Variants in LTBP3 observed in about 807,000 individuals in gnomAD.
The protein encoded by LTBP3 is latent-transforming growth factor beta-binding protein 3.
Under a neutral mutation model 159.7 loss-of-function variants are expected in LTBP3, and 97 were observed. That is an observed-to-expected ratio of 0.61 (90% CI 0.52 to 0.72). LTBP3 has a LOEUF of 0.72. LTBP3 is among the 30% of genes least tolerant of loss of function. LTBP3 has a pLI of 0.00. For synonymous variants in LTBP3, 824 were observed against 777.1 expected, an observed-to-expected ratio of 1.06 and a Z score of -1.00; for missense variants, 1,584 against 1,864.3, an observed-to-expected ratio of 0.85 and a Z score of 2.77.
Position 65,546,473 on chromosome 11 carries a change from G to T in LTBP3, c.2322C>A (p.Tyr774Ter). ...AACTGCGGCCGTCGGGCGCGGGCGC[G>T]TAGCCCTGGGCACAGGTGCAGCGGA... ...GSFRCTCAQG[Y>*]APAPDGRSCL... is the part of the protein sequence containing the mutation. The change falls in exon 16 of 28, where the codon TAC becomes TAA. Residue 774 changes from tyrosine to a stop codon, truncating the protein, a stop_gained. Coordinates refer to ENST00000301873, the MANE Select transcript of LTBP3 (RefSeq NM_001130144.3). LOFTEE classifies it high-confidence loss of function. This position sits in a 1 kb window ranked among gnomAD's most constrained non-coding sequence, Gnocchi z 4.0. 1 of 1,586,668 alleles carries T rather than the reference G, an allele frequency of 6.3e-7. No homozygotes were observed.
At chr11:65,555,460 G>C (rs1411164290) in intron 1 of LTBP3, among the ~76,000 whole-genome samples, 1 of 152,068 alleles carries the variant, frequency 6.6e-6, no homozygotes, top group Non-Finnish European at 1.5e-5. Context: ...CTAGCTCAGT[G>C]TCTCCACCAG....
At position 65,545,738 on chromosome 11, in the gene LTBP3, C is replaced by T. The variant is rs1391263907; in HGVS notation, c.2353+704G>A. On this transcript the variant is annotated intron_variant, in intron 16 of 27. Transcript: ENST00000301873. Reference sequence around the variant, plus strand: ...CTAAAACAAATGGCAAATCTTGTCACTCTTACACTTAAAATGCTGCAGGTG... The same window carrying T: ...CTAAAACAAATGGCAAATCTTGTCATTCTTACACTTAAAATGCTGCAGGTG... 3 of 213,752 alleles carry T rather than the reference C, an allele frequency of 1.4e-5. No individual in the cohort carries two copies. The East Asian group carries it at 2.1e-4, about 15-fold the overall frequency. 13.2% of individuals were successfully genotyped at this position (213,752 alleles called of 1,614,324 possible). A position where few individuals can be genotyped will look rare whatever the true frequency, so the allele number is the denominator to read the frequency against.
rs1303084094 is a variant in LTBP3, at chr11:65,539,158, G to A, written c.3834C>T (p.Gly1278=). ...CGGCTTTGCAGACGCAGCGGAAGGA[G>A]CCGCTGGTGTTCACGCAGCGCTCGC... ...CKSERCVNTS[G]SFRCVCKAGF... Residue 1278 remains glycine, a synonymous_variant, in exon 28 of 28, where the codon GGC becomes GGT. Coordinates refer to ENST00000301873, the MANE Select transcript of LTBP3 (RefSeq NM_001130144.3). 8 of 1,502,212 alleles carry A rather than the reference G, an allele frequency of 5.3e-6. No homozygotes were observed. The highest frequency in any genetic ancestry group is 3.7e-4 in the Middle Eastern group (2 of 5,348). 93.1% of individuals were successfully genotyped at this position (1,502,212 alleles called of 1,614,324 possible). A position where few individuals can be genotyped will look rare whatever the true frequency, so the allele number is the denominator to read the frequency against.
In LTBP3 at chr11:65,558,212, G is replaced by A; in HGVS notation, c.-253C>T. ...CCAGGCCCCGAACTCAGGCAGGAGC[G>A]AGGAGGCCGGAGCAAGTTGAGGCGG... On this transcript the variant is annotated 5_prime_UTR_variant, in exon 1 of 28. Coordinates refer to ENST00000301873, the MANE Select transcript of LTBP3 (RefSeq NM_001130144.3). 1.9e-6 allele frequency: 2 copies of A among 1,055,164 alleles called. No individual in the cohort carries two copies. The allele number at this position is 1,055,164 out of a possible 1,614,324, so 65.4% of individuals were successfully genotyped here. A position where few individuals can be genotyped will look rare whatever the true frequency, so the allele number is the denominator to read the frequency against.
chr11:65,542,633 G>T, intron 18 of LTBP3: 1 of 254,658 alleles, frequency 3.9e-6, no homozygotes, highest in East Asian at 1.1e-4. Context: ...TGATCCGCCC[G>T]CCTCAGCCTC....
In LTBP3 at chr11:65,557,785, G is replaced by T; in HGVS notation, c.175C>A (p.Arg59Ser). 6.3e-7 allele frequency: 1 copy of T among 1,589,752 alleles called. No individual in the cohort carries two copies. Among genetic ancestry groups the T allele is most frequent in the Non-Finnish European group, 8.5e-7 (1 of 1,174,938 alleles). The change falls in exon 1 of 28, where the codon CGC becomes AGC. Residue 59 changes from arginine (R) to serine (S), a missense_variant. Transcript: ENST00000301873. ...GCAAAGACCACCTTGAAGCGCTCGC[G>T]GGCCAGCGCCCCGCCCCCGCCTGCG... is the stretch of plus-strand genomic sequence containing the variant. ...RGAGGGGALA[R>S]ERFKVVFAPV...
chr11:65,540,586 C>A lies in LTBP3; in HGVS notation c.3006G>T (p.Ser1002=), dbSNP rs928613252. ...RDIDECMLFG[S]EICKEGKCVN... Reference sequence around the variant, plus strand: ...CGCACTTGCCCTCCTTGCAAATCTCCGACCCGAACAACATGCACTCGTCGA... The same window carrying A: ...CGCACTTGCCCTCCTTGCAAATCTCAGACCCGAACAACATGCACTCGTCGA... Residue 1002 remains serine (S), a synonymous_variant, in exon 22 of 28, where the codon TCG becomes TCT. Coordinates refer to ENST00000301873, the MANE Select transcript of LTBP3 (RefSeq NM_001130144.3). The A allele has an allele frequency of 6.2e-7, 1 of 1,613,668 alleles. No individual in the cohort carries two copies. Among genetic ancestry groups the A allele is most frequent in the Non-Finnish European group, 8.5e-7 (1 of 1,179,892 alleles).
intron 17 of LTBP3, 40 bp downstream of exon 17, chr11:65,543,387 G>A: frequency 6.2e-7 from 1 of 1,613,224 alleles, no homozygotes; most frequent in Non-Finnish European, 8.5e-7. Flanking sequence ...TCCTGGGGTA[G>A]GGAGGGACAG....
chr11:65,549,645 C>G (rs1856523487), intron 11 of LTBP3, among the ~76,000 whole-genome samples: 1 of 125,630 alleles, frequency 8.0e-6, no homozygotes, highest in Non-Finnish European at 1.6e-5. Flanking sequence ...GTCTCAATCT[C>G]TTGACCTCGT....
intron 11 of LTBP3, among the ~76,000 whole-genome samples, chr11:65,549,250 T>G (rs1279332521): frequency 1.3e-5 from 2 of 152,214 alleles, no homozygotes; most frequent in East Asian, 1.9e-4. Context: ...CAAGGCTCAG[T>G]GCACTGGACT....
rs1170532706 is a variant in LTBP3 at position 65,554,491 on chromosome 11, T to C, written c.332-111A>G. On this transcript the variant is annotated intron_variant, in intron 1 of 27. Transcript: ENST00000301873. This position sits in a 1 kb window ranked among gnomAD's most constrained non-coding sequence, Gnocchi z 5.3. ...CCTCTTGGGAAGCCAGGTTTTGAGA[T>C]ACATCCTACATAGGGAAACTGCCCT... 3.8e-6 allele frequency: 3 copies of C among 792,506 alleles called. No individual in the cohort carries two copies. In the East Asian group the frequency reaches 8.0e-5, roughly 21 times the overall value. The allele number at this position is 792,506 out of a possible 1,614,324, so 49.1% of individuals were successfully genotyped here.
chr11:65,539,116 G>T lies in LTBP3; in HGVS notation c.3876C>A (p.Arg1292=). The T allele has an allele frequency of 1.6e-5, 24 of 1,473,756 alleles. No homozygotes were observed. Among genetic ancestry groups the T allele is most frequent in the Non-Finnish European group, 2.2e-5 (24 of 1,110,130 alleles). The allele number at this position is 1,473,756 out of a possible 1,614,324, so 91.3% of individuals were successfully genotyped here. A position where few individuals can be genotyped will look rare whatever the true frequency, so the allele number is the denominator to read the frequency against. ...CVCKAGFARS[R]PHGACVPQRR... is the part of the protein sequence containing the mutation. ...GCTGGGGAACGCAGGCCCCGTGCGGGCGGCTGCGCGCGAAGCCGGCTTTGC... is the reference window on the plus strand; with the variant it reads ...GCTGGGGAACGCAGGCCCCGTGCGGTCGGCTGCGCGCGAAGCCGGCTTTGC... The change falls in exon 28 of 28, where the codon CGC becomes CGA. Residue 1292 remains arginine, a synonymous_variant. Transcript: ENST00000301873.
chr11:65,539,007 C>G lies in LTBP3; in HGVS notation c.*73G>C. On this transcript the variant is annotated 3_prime_UTR_variant, in exon 28 of 28. Coordinates refer to ENST00000301873, the MANE Select transcript of LTBP3 (RefSeq NM_001130144.3). ...CCTGGGTCCGAGCCACAAGTCGGGG[C>G]AGAAGTGAGGCCGAGCTCGCGGAAA... 7.6e-7 allele frequency: 1 copy of G among 1,322,692 alleles called. No individual in the cohort carries two copies. Among genetic ancestry groups the G allele is most frequent in the Non-Finnish European group, 9.6e-7 (1 of 1,037,332 alleles). 81.9% of individuals were successfully genotyped at this position (1,322,692 alleles called of 1,614,324 possible). A position where few individuals can be genotyped will look rare whatever the true frequency, so the allele number is the denominator to read the frequency against.
At chr11:65,551,948 G>T in intron 8 of LTBP3, 24 bp downstream of exon 8, 2 of 1,612,544 alleles carry the variant, frequency 1.2e-6, no homozygotes, top group Non-Finnish European at 8.5e-7. Flanking sequence ...CATGGGTCAG[G>T]GATCAGAAGG....
intron 1 of LTBP3, among the ~76,000 whole-genome samples, chr11:65,555,552 G>A (rs1565102595): frequency 2.0e-5 from 3 of 152,284 alleles, no homozygotes; most frequent in Admixed American, 1.3e-4. Context: ...CCTGGCACCT[G>A]CTTGGCTATG....
Position 65,554,111 on chromosome 11 carries a change from GC to G in LTBP3, c.600del (p.Pro201LeufsTer12). ...VIADPPGPGE[G>X]PPAQHAAFLV... ...AGGAAGGCTGCGTGCTGGGCAGGAG[GC>G]CCCTCCCCGGGCCCAGGAGGGTCAG... On this transcript the variant is annotated frameshift_variant, in exon 2 of 28. Coordinates refer to ENST00000301873, the MANE Select transcript of LTBP3 (RefSeq NM_001130144.3). LOFTEE classifies it high-confidence loss of function. This position sits in a 1 kb window ranked among gnomAD's most constrained non-coding sequence, Gnocchi z 5.3. The G allele has an allele frequency of 1.2e-6, 2 of 1,610,526 alleles. No homozygotes were observed.
At position 65,539,760 on chromosome 11, in the gene LTBP3, G is replaced by A. The variant is rs779328140; in HGVS notation, c.3507C>T (p.Gly1169=). 38 of 1,545,506 alleles carry A rather than the reference G, an allele frequency of 2.5e-5. No individual in the cohort carries two copies. The South Asian group carries it at 3.9e-4, about 16-fold the overall frequency. Residue 1169 remains glycine, a synonymous_variant, in exon 25 of 28, where the codon GGC becomes GGT. Transcript: ENST00000301873. ...GGCACGGTCGGCATTGGGCGCCCCAGCCGCGGCCCTGGCGGCAGCAGCAGT... is the reference window on the plus strand; with the variant it reads ...GGCACGGTCGGCATTGGGCGCCCCAACCGCGGCCCTGGCGGCAGCAGCAGT... ...FDDCCCRQGR[G]WGAQCRPCPP...
chr11:65,548,068 C>T (rs371297387), intron 11 of LTBP3, 23 bp from the exon 12 acceptor site: 7 of 1,613,394 alleles, frequency 4.3e-6, no homozygotes, highest in African/African-American at 4.0e-5. Context: ...CCAGGTCAAG[C>T]GGCAGAGCAG....
At position 65,552,127 on chromosome 11, in the gene LTBP3, T is replaced by C. The variant is rs748602735; in HGVS notation, c.1376A>G (p.Lys459Arg). ...GTGGGAGGTGAGAATGTGGTATCCC[T>C]TCCCAGCTGGGCAGATCTCCTTGAA... ...AAFKEICPAGKGYHILTSHQT... is the reference protein window; with the variant it reads ...AAFKEICPAGRGYHILTSHQT... Residue 459 changes from lysine to arginine, a missense_variant, in exon 8 of 28, where the codon AAG (lysine) becomes AGG (arginine). Physicochemically the swap from Lys to Arg is conservative, Grantham distance 26 (BLOSUM62 2). Around this residue, in one of 6 missense-constraint regions of LTBP3, gnomAD observed 156 missense variants for 259.7 expected, o/e 0.60. Transcript: ENST00000301873. The surrounding 1 kb of genome is among the most constrained non-coding windows in gnomAD (Gnocchi z 6.0). The C allele has an allele frequency of 6.2e-7, 1 of 1,614,132 alleles. No homozygotes were observed. The highest frequency in any genetic ancestry group is 8.5e-7 in the Non-Finnish European group (1 of 1,179,994).
Sources: allele counts gnomAD v4.1 joint callset (sites outside exome capture counted in the v4.1 genomes callset), GRCh38; gene constraint gnomAD v4.1.1; regional missense constraint gnomAD v4.1.1; non-coding constraint Gnocchi (gnomAD v3.1); transcripts MANE v1.5; gene names NCBI Gene and HGNC (gene_info 2026-07-23, HGNC 2026-07-21).